Variants in GRIK4 observed in about 807,000 individuals in gnomAD.
GRIK4 encodes glutamate receptor ionotropic, kainate 4.
In GRIK4, 40 loss-of-function variants were observed where a neutral mutation model predicts 104.9. That is an observed-to-expected ratio of 0.38 (90% confidence interval 0.30 to 0.50). The LOEUF is 0.50. Among genes scored for constraint, GRIK4 ranks in the 20% least tolerant of loss-of-function variants. The probability of loss-of-function intolerance (pLI) is 0.93; values close to 1 mark genes in which losing one functional copy is unlikely to be tolerated. For missense variants in GRIK4, 1,047 were observed against 1,308.1 expected, an observed-to-expected ratio of 0.80 and a Z score of 3.08; for synonymous variants, 485 against 524.9, an observed-to-expected ratio of 0.92 and a Z score of 1.04.
At chr11:120,531,582 C>CTTT (rs58143284) in intron 1 of GRIK4, among the ~76,000 whole-genome samples, 1,720 of 146,886 alleles carry the variant, frequency 0.012, 44 homozygotes, top group African/African-American at 0.04. Flanking sequence ...TTTTCTTTTT[C>CTTT]TTTTTTTTTT....
rs541494663 is a variant in GRIK4, at chr11:120,935,063, C to T, written c.1477-5284C>T. Among the ~76,000 whole-genome samples, 4 of 152,276 alleles carry T rather than the reference C, an allele frequency of 2.6e-5. No individual in the cohort carries two copies. In the South Asian group the frequency reaches 6.2e-4, roughly 24 times the overall value. ...CCTCAGAGCGTTCAATACTGCTGAC[C>T]GCCATCATCCACTTAAGCAAAGTGG... On this transcript the variant is annotated intron_variant, in intron 13 of 20. Coordinates refer to ENST00000527524, the MANE Select transcript of GRIK4 (RefSeq NM_014619.5).
At chr11:120,966,299 G>T (rs772958382) in intron 18 of GRIK4, among the ~76,000 whole-genome samples, 13 of 152,148 alleles carry the variant, frequency 8.5e-5, no homozygotes, top group East Asian at 1.9e-4. Flanking sequence ...TTCTCTCATT[G>T]ATTGGTGACT....
chr11:120,829,503 C>T (rs1171669319), intron 6 of GRIK4, among the ~76,000 whole-genome samples: 2 of 152,184 alleles, frequency 1.3e-5, no homozygotes, highest in Non-Finnish European at 2.9e-5. Context: ...GACCCGTCTT[C>T]TCTGCCTGGT....
intron 1 of GRIK4, among the ~76,000 whole-genome samples, chr11:120,544,456 G>A: frequency 6.6e-6 from 1 of 152,050 alleles, no homozygotes; most frequent in East Asian, 1.9e-4. Context: ...TCAGCCTCCT[G>A]AGTAGCTGGG....
intron 3 of GRIK4, among the ~76,000 whole-genome samples, chr11:120,712,791 C>T (rs542983229): frequency 1.3e-5 from 2 of 152,316 alleles, no homozygotes; most frequent in South Asian, 2.1e-4. Context: ...AGATTCTTCA[C>T]GATGGCCCTT....
chr11:120,979,925 C>T (rs1176180445), intron 19 of GRIK4, among the ~76,000 whole-genome samples: 3 of 152,190 alleles, frequency 2.0e-5, no homozygotes, highest in African/African-American at 7.2e-5. Context: ...GCCTCCACCT[C>T]TTGGGTTCGA....
intron 3 of GRIK4, among the ~76,000 whole-genome samples, chr11:120,774,289 G>A (rs1311080144): frequency 1.3e-5 from 2 of 152,178 alleles, no homozygotes; most frequent in Non-Finnish European, 2.9e-5. Flanking sequence ...TTAGAGAGCT[G>A]TGTATTAGGG....
At chr11:120,863,189 G>T (rs1040118135) in intron 9 of GRIK4, among the ~76,000 whole-genome samples, 9 of 152,186 alleles carry the variant, frequency 5.9e-5, no homozygotes, top group Non-Finnish European at 1.0e-4. Context: ...ATGACATTTT[G>T]GTCAGCGATG....
chr11:120,532,831 G>C (rs999775020), intron 1 of GRIK4, among the ~76,000 whole-genome samples: 2 of 151,846 alleles, frequency 1.3e-5, no homozygotes, highest in Non-Finnish European at 2.9e-5. Context: ...TAGATGCTTT[G>C]GGCTTCTCCT....
chr11:120,661,824 G>T (rs1949822556), intron 3 of GRIK4, among the ~76,000 whole-genome samples: 3 of 151,332 alleles, frequency 2.0e-5, no homozygotes, highest in Admixed American at 2.0e-4. Flanking sequence ...ACACTGCTCT[G>T]CATGCTTAAA....
rs1426400286 is a variant in GRIK4, at chr11:120,628,491, G to C, written c.-158-25194G>C. ...ACCCATCTGGGTAAAAACACACCTT[G>C]GAGATTGTAGATCCCCTGAAGCCAG... On this transcript the variant is annotated intron_variant, in intron 1 of 20. Coordinates refer to ENST00000527524, the MANE Select transcript of GRIK4 (RefSeq NM_014619.5). Among the ~76,000 whole-genome samples, 3 of 152,128 alleles carry C rather than the reference G, an allele frequency of 2.0e-5. No individual in the cohort carries two copies. The East Asian group carries it at 5.8e-4, about 29-fold the overall frequency.
chr11:120,877,041 C>A (rs1270046352), intron 11 of GRIK4, among the ~76,000 whole-genome samples: 2 of 152,164 alleles, frequency 1.3e-5, no homozygotes, highest in African/African-American at 2.4e-5. Flanking sequence ...CCAGGTCACC[C>A]TTCTTGGAAG....
At chr11:120,812,492 G>C (rs1952849964) in intron 4 of GRIK4, among the ~76,000 whole-genome samples, 1 of 152,222 alleles carries the variant, frequency 6.6e-6, no homozygotes, top group Non-Finnish European at 1.5e-5. Context: ...ATCTGATATG[G>C]TGGGGATAAT....
intron 1 of GRIK4, among the ~76,000 whole-genome samples, chr11:120,587,517 G>T (rs1948682640): frequency 6.6e-6 from 1 of 152,160 alleles, no homozygotes; most frequent in Non-Finnish European, 1.5e-5. Flanking sequence ...TATGTAAATC[G>T]CTTGGCACAG....
intron 3 of GRIK4, among the ~76,000 whole-genome samples, chr11:120,791,812 G>A (rs557980671): frequency 1.8e-4 from 28 of 152,116 alleles, no homozygotes; most frequent in Non-Finnish European, 4.0e-4. Flanking sequence ...ATATCCAAAT[G>A]TTCCAGCACA....
chr11:120,712,637 A>C (rs563726592), intron 3 of GRIK4, among the ~76,000 whole-genome samples: 21 of 152,152 alleles, frequency 1.4e-4, no homozygotes, highest in South Asian at 4.1e-4. Flanking sequence ...AAAAAAAAAA[A>C]AAACTTCTAC....
intron 15 of GRIK4, among the ~76,000 whole-genome samples, chr11:120,955,591 C>G (rs1384976472): frequency 6.6e-6 from 1 of 152,176 alleles, no homozygotes; most frequent in South Asian, 2.1e-4. Context: ...GCATTCTGGG[C>G]ATCAGAGGGG....
intron 3 of GRIK4, among the ~76,000 whole-genome samples, chr11:120,787,782 G>A (rs1952311510): frequency 1.3e-5 from 2 of 148,284 alleles, no homozygotes; most frequent in South Asian, 2.1e-4. Context: ...GTTTTTAAAT[G>A]TGGCTACTGG....
intron 1 of GRIK4, among the ~76,000 whole-genome samples, chr11:120,568,653 G>A (rs1406885825): frequency 6.6e-6 from 1 of 152,144 alleles, no homozygotes; most frequent in Non-Finnish European, 1.5e-5. Context: ...CCCCCAAAGT[G>A]CTGGGATTAC....
Sources: allele counts gnomAD v4.1 joint callset (sites outside exome capture counted in the v4.1 genomes callset), GRCh38; gene constraint gnomAD v4.1.1; transcripts MANE v1.5; gene names NCBI Gene and HGNC (gene_info 2026-07-23, HGNC 2026-07-21).